The following ZYX variants were observed in gnomAD, a reference collection of about 807,000 sequenced individuals.
The protein encoded by ZYX is zyxin, also known as zyxin-2.
In ZYX, 37 loss-of-function variants were observed where a neutral mutation model predicts 58.1. The observed-to-expected ratio is 0.64, with a 90% CI of 0.49 to 0.84. The LOEUF (loss-of-function observed/expected upper bound fraction) is 0.84, where lower values mean the gene tolerates loss of function less well. ZYX is among the 40% of genes least tolerant of loss of function. The probability of loss-of-function intolerance (pLI) is 0.00; values close to 1 mark genes in which losing one functional copy is unlikely to be tolerated. For synonymous variants in ZYX, 324 were observed against 321.1 expected (o/e 1.01, Z -0.10); for missense variants, 762 against 761.6 (o/e 1.00, Z -0.01).
rs769718724 is a variant in ZYX at position 143,388,522 on chromosome 7, G to A, written c.1178G>A (p.Arg393Gln). The change falls in exon 7 of 10, where the codon CGG (arginine) becomes CAG (glutamine). Residue 393 changes from arginine (R) to glutamine (Q), a missense_variant. Physicochemically the swap from Arg to Gln is conservative, Grantham distance 43. Transcript: ENST00000322764. The surrounding 1 kb of genome is among the most constrained non-coding windows in gnomAD (Gnocchi z 7.5). The stretch of plus-strand genomic sequence containing the variant: ...GGCCGATGCCATCAACCCCTGGCCC[G>A]GGCGCAGCCAGCCGTCCGCGCTCTA... ...LCGRCHQPLA[R>Q]AQPAVRALGQ... The A allele has an allele frequency of 2.1e-5, 34 of 1,610,276 alleles. No individual in the cohort carries two copies. Among genetic ancestry groups the A allele is most frequent in the South Asian group, 2.2e-5 (2 of 91,066 alleles).
At chr7:143,382,544 G>A in intron 3 of ZYX, 49 bp from the exon 4 acceptor site, 1 of 1,605,042 alleles carries the variant, frequency 6.2e-7, no homozygotes, top group Non-Finnish European at 8.5e-7. Flanking sequence ...TGCCTTGGGG[G>A]TGGGGGGATA....
chr7:143,381,843 G>T, intron 2 of ZYX, 64 bp downstream of exon 2: 1 of 1,412,110 alleles, frequency 7.1e-7, no homozygotes, highest in Non-Finnish European at 9.4e-7. Context: ...GTCGTTTCGG[G>T]AATTTGGGGA....
At position 143,389,460 on chromosome 7, in the gene ZYX, T is replaced by C. The variant is rs534966954; in HGVS notation, c.1494-397T>C. On this transcript the variant is annotated intron_variant, in intron 8 of 9. Transcript: ENST00000322764. This position sits in a 1 kb window ranked among gnomAD's most constrained non-coding sequence, Gnocchi z 5.6. The stretch of plus-strand genomic sequence containing the variant: ...GCCACAACTTCACATCCCTCCACAG[T>C]GCCAGACAGTCAGGGCAGAGGCAAC... Among the ~76,000 whole-genome samples the C allele has an allele frequency of 6.6e-6, 1 of 151,940 alleles. No homozygotes were observed. Among genetic ancestry groups the C allele is most frequent in the Non-Finnish European group, 1.5e-5 (1 of 67,982 alleles).
intron 2 of ZYX, 113 bp downstream of exon 2, chr7:143,381,892 CA>C: frequency 1.9e-6 from 2 of 1,073,200 alleles, no homozygotes; most frequent in Non-Finnish European, 2.6e-6. Context: ...TGGGCGCAGC[CA>C]CCCTGTCCCG....
intron 2 of ZYX, 160 bp from the exon 3 acceptor site, chr7:143,382,088 C>T (rs1257451382): frequency 1.5e-6 from 1 of 656,710 alleles, no homozygotes; most frequent in Non-Finnish European, 2.5e-6. Flanking sequence ...CCTTTCCTGA[C>T]CTGGTACTCC....
rs1805027778 is a variant in ZYX at position 143,390,377 on chromosome 7, G to T, written c.1615-201G>T. 1.2e-5 allele frequency: 7 copies of T among 589,484 alleles called. No homozygotes were observed. In the Admixed American group the frequency reaches 1.8e-4, roughly 15 times the overall value. 36.5% of individuals were successfully genotyped at this position (589,484 alleles called of 1,614,324 possible). ...TTGGGAGCAGCTCTACCCACTGCTT[G>T]CCCTCTTGCAGGAAGGTCCTAGTGG... On this transcript the variant is annotated intron_variant, in intron 9 of 9. Transcript: ENST00000322764. The surrounding 1 kb of genome is among the most constrained non-coding windows in gnomAD (Gnocchi z 4.3).
Position 143,382,628 on chromosome 7 carries a change from C to CGACTCTCTGTCCTCACTGCTGGA in ZYX, c.445_467dup (p.Asp156GlufsTer11). 6.2e-7 allele frequency: 1 copy of CGACTCTCTGTCCTCACTGCTGGA among 1,614,038 alleles called. No individual in the cohort carries two copies. Among genetic ancestry groups the CGACTCTCTGTCCTCACTGCTGGA allele is most frequent in the South Asian group, 1.1e-5 (1 of 91,084 alleles). ...AGGTGAGCAGTATTGATTTGGAGAT[C>CGACTCTCTGTCCTCACTGCTGGA]GACTCTCTGTCCTCACTGCTGGATG... On this transcript the variant is annotated frameshift_variant, in exon 4 of 10. Transcript: ENST00000322764. LOFTEE classifies it high-confidence loss of function.
Position 143,382,877 on chromosome 7 carries a change from G to A in ZYX, c.578G>A (p.Gly193Asp), listed in dbSNP as rs61742271. 706 of 1,613,336 alleles carry A rather than the reference G, an allele frequency of 4.4e-4. 6 individuals are homozygous for A. The African/African-American group carries it at 8.5e-3, about 19-fold the overall frequency. ...TCCAGTACCAAGCCTGCAGCCGGGG[G>A]CACAGCACCCCTGCCTCCTTGGAAG... ...SKSSTKPAAG[G>D]TAPLPPWKSP... The change falls in exon 5 of 10, where the codon GGC (glycine) becomes GAC (aspartate). Residue 193 changes from glycine to aspartate, a missense_variant. Physicochemically the swap from Gly to Asp is moderately conservative, Grantham distance 94 (BLOSUM62 -1). Transcript: ENST00000322764.
chr7:143,390,627 C>A lies in ZYX; in HGVS notation c.1664C>A (p.Pro555His). The change falls in exon 10 of 10, where the codon CCC becomes CAC. Residue 555 changes from proline to histidine, a missense_variant. Pro to His is a moderately conservative substitution (Grantham distance 77). Coordinates refer to ENST00000322764, the MANE Select transcript of ZYX (RefSeq NM_003461.5). This position sits in a 1 kb window ranked among gnomAD's most constrained non-coding sequence, Gnocchi z 4.3. ...GAGGCAGATGACAATGGCTGCTTCC[C>A]CCTGGACGGTCACGTGCTCTGTCGG... ...SIEADDNGCF[P>H]LDGHVLCRKC... is the part of the protein sequence containing the mutation. 1 of 1,587,128 alleles carries A rather than the reference C, an allele frequency of 6.3e-7. No homozygotes were observed.
At chr7:143,382,150 A>C in intron 2 of ZYX, 98 bp from the exon 3 acceptor site, 4 of 1,033,034 alleles carry the variant, frequency 3.9e-6, no homozygotes, top group South Asian at 1.6e-5. Context: ...GGGACCCCTG[A>C]GAGAGTTCTT....
In ZYX at chr7:143,382,360, G is replaced by C; in HGVS notation, c.321G>C (p.Ala107=). 6.3e-7 allele frequency: 1 copy of C among 1,596,184 alleles called. No individual in the cohort carries two copies. Among genetic ancestry groups the C allele is most frequent in the Non-Finnish European group, 8.5e-7 (1 of 1,170,306 alleles). The change falls in exon 3 of 10, where the codon GCG becomes GCC. Residue 107 remains alanine, a synonymous_variant. Coordinates refer to ENST00000322764, the MANE Select transcript of ZYX (RefSeq NM_003461.5). ...PPPIEESFPP[A]PLEEEIFPSP... Reference sequence around the variant, plus strand: ...CGATCGAGGAATCATTTCCCCCTGCGCCTCTGGAGGAGGAGATCTTCCCTT... The same window carrying C: ...CGATCGAGGAATCATTTCCCCCTGCCCCTCTGGAGGAGGAGATCTTCCCTT...
rs527679064 is a variant in ZYX, at chr7:143,381,397, G to T, written c.-28G>T. The T allele has an allele frequency of 5.0e-6, 6 of 1,193,536 alleles. No homozygotes were observed. In the Admixed American group the frequency reaches 1.4e-4, roughly 27 times the overall value. 73.9% of individuals were successfully genotyped at this position (1,193,536 alleles called of 1,614,324 possible). A position where few individuals can be genotyped will look rare whatever the true frequency, so the allele number is the denominator to read the frequency against. On this transcript the variant is annotated 5_prime_UTR_variant, in exon 1 of 10. Transcript: ENST00000322764. Reference sequence around the variant, plus strand: ...CGGCCACCCGAGACGCGGCGCGCACGCTCCGGCCTGCGGTGAGGCGCGGGG... The same window carrying T: ...CGGCCACCCGAGACGCGGCGCGCACTCTCCGGCCTGCGGTGAGGCGCGGGG...
Position 143,384,139 on chromosome 7 carries a change from G to A in ZYX, c.1023+817G>A. ...TCTGGTGACGAAGATGACCCTGATGGTCATCTAGTCCAAGCATCCAGAGTC... is the reference window on the plus strand; with the variant it reads ...TCTGGTGACGAAGATGACCCTGATGATCATCTAGTCCAAGCATCCAGAGTC... On this transcript the variant is annotated intron_variant, in intron 5 of 9. Coordinates refer to ENST00000322764, the MANE Select transcript of ZYX (RefSeq NM_003461.5). This position sits in a 1 kb window ranked among gnomAD's most constrained non-coding sequence, Gnocchi z 4.9. The A allele has an allele frequency of 2.1e-6, 1 of 467,640 alleles. No individual in the cohort carries two copies. Among genetic ancestry groups the A allele is most frequent in the Non-Finnish European group, 4.4e-6 (1 of 225,090 alleles). The allele number at this position is 467,640 out of a possible 1,614,324, so 29.0% of individuals were successfully genotyped here.
chr7:143,381,448 G>A (rs1586559060), intron 1 of ZYX, 39 bp downstream of exon 1: 3 of 1,292,292 alleles, frequency 2.3e-6, no homozygotes. Context: ...CCACGGGGAG[G>A]GGGCGCGGGG....
chr7:143,389,800 C>T lies in ZYX; in HGVS notation c.1494-57C>T, dbSNP rs199736783. 114 of 1,602,332 alleles carry T rather than the reference C, an allele frequency of 7.1e-5. 2 individuals are homozygous for T. The Admixed American group carries it at 1.4e-3, about 20-fold the overall frequency. Reference sequence around the variant, plus strand: ...TGCTGCCCAACCTGGCTTATGCGTGCGCACACCGGGGATGAAAGCCCTGGC... The same window carrying T: ...TGCTGCCCAACCTGGCTTATGCGTGTGCACACCGGGGATGAAAGCCCTGGC... On this transcript the variant is annotated intron_variant, in intron 8 of 9. Transcript: ENST00000322764. This position sits in a 1 kb window ranked among gnomAD's most constrained non-coding sequence, Gnocchi z 5.6.
In ZYX at chr7:143,388,934, C is replaced by G; in HGVS notation, c.1482C>G (p.Pro494=). 3 of 1,609,730 alleles carry G rather than the reference C, an allele frequency of 1.9e-6. No individual in the cohort carries two copies. Among genetic ancestry groups the G allele is most frequent in the Non-Finnish European group, 2.5e-6 (3 of 1,178,526 alleles). Residue 494 remains proline, a synonymous_variant, in exon 8 of 10, where the codon CCC becomes CCG. Coordinates refer to ENST00000322764, the MANE Select transcript of ZYX (RefSeq NM_003461.5). This position sits in a 1 kb window ranked among gnomAD's most constrained non-coding sequence, Gnocchi z 7.5. ...AGGCCAACCGGCCCCACTGTGTCCC[C>G]GACTACCACAAGTGAGGACCTGCCA... is the stretch of plus-strand genomic sequence containing the variant. The part of the protein sequence containing the change: ...VDQANRPHCV[P]DYHKQYAPRC...
At position 143,387,906 on chromosome 7, in the gene ZYX, C is replaced by T. The variant is rs752421352; in HGVS notation, c.1024-313C>T. On this transcript the variant is annotated intron_variant, in intron 5 of 9. Transcript: ENST00000322764. This position sits in a 1 kb window ranked among gnomAD's most constrained non-coding sequence, Gnocchi z 5.8. Reference sequence around the variant, plus strand: ...TGGAGTGTCCGGTGCTTCAGTGACCCGAGCTGCTGTGTGCGTGGCCTCCGT... The same window carrying T: ...TGGAGTGTCCGGTGCTTCAGTGACCTGAGCTGCTGTGTGCGTGGCCTCCGT... The T allele has an allele frequency of 7.6e-5, 39 of 511,588 alleles. No individual in the cohort carries two copies. Among genetic ancestry groups the T allele is most frequent in the Non-Finnish European group, 1.4e-4 (36 of 260,458 alleles). The allele number at this position is 511,588 out of a possible 1,614,324, so 31.7% of individuals were successfully genotyped here. A position where few individuals can be genotyped will look rare whatever the true frequency, so the allele number is the denominator to read the frequency against.
chr7:143,390,810 A>G lies in ZYX; in HGVS notation c.*128A>G. On this transcript the variant is annotated 3_prime_UTR_variant, in exon 10 of 10. Coordinates refer to ENST00000322764, the MANE Select transcript of ZYX (RefSeq NM_003461.5). This position sits in a 1 kb window ranked among gnomAD's most constrained non-coding sequence, Gnocchi z 4.3. ...CTCCCATTTCCAACCCCTCCCTAGC[A>G]TCCCAGGTGCCCTGACCCAGGACCC... 1 of 732,296 alleles carries G rather than the reference A, an allele frequency of 1.4e-6. No individual in the cohort carries two copies. The allele number at this position is 732,296 out of a possible 1,614,324, so 45.4% of individuals were successfully genotyped here.
chr7:143,382,702 T>C lies in ZYX; in HGVS notation c.501+17T>C. On this transcript the variant is annotated intron_variant, in intron 4 of 9. Transcript: ENST00000322764. ...AAAGCCCGGGTAAGGGACCGGAGAG[T>C]AGGAAAAGCAGGGCTCAGGGCCAGA... The C allele has an allele frequency of 6.2e-7, 1 of 1,613,312 alleles. No individual in the cohort carries two copies. Among genetic ancestry groups the C allele is most frequent in the East Asian group, 2.2e-5 (1 of 44,852 alleles).
Sources: gnomAD v4.1 joint callset for allele counts (sites outside exome capture counted in the v4.1 genomes callset) on GRCh38, gnomAD v4.1.1 for gene constraint, Gnocchi (gnomAD v3.1) non-coding constraint, MANE v1.5 for transcripts, NCBI Gene and HGNC (gene_info 2026-07-23, HGNC 2026-07-21) for gene names.